Variants in RABGEF1 observed in about 807,000 individuals in gnomAD.
RABGEF1 encodes the protein RAB guanine nucleotide exchange factor 1.
In RABGEF1, 26 loss-of-function variants were observed where a neutral mutation model predicts 57.3. That is an observed-to-expected ratio of 0.45 (90% CI 0.33 to 0.63). The LOEUF (loss-of-function observed/expected upper bound fraction) is 0.63. RABGEF1 is among the 20% of genes least tolerant of loss of function. RABGEF1 has a pLI of 0.02. For synonymous variants in RABGEF1, 185 were observed against 210.7 expected (o/e 0.88, Z 1.06); for missense variants, 464 against 607.6 (o/e 0.76, Z 2.48).
chr7:66,753,701 G>GGT (rs1491493257), intron 1 of RABGEF1, among the ~76,000 whole-genome samples: 4 of 78,772 alleles, frequency 5.1e-5, no homozygotes, highest in African/African-American at 1.9e-4. Context: ...TTTTGCCATC[G>GGT]TTTTTTTTTT....
intron 3 of RABGEF1, among the ~76,000 whole-genome samples, chr7:66,776,359 G>A (rs1219827761): frequency 6.6e-6 from 1 of 152,138 alleles, no homozygotes; most frequent in Non-Finnish European, 1.5e-5. Flanking sequence ...TTTATTAAAA[G>A]GAAATATTGC....
chr7:66,695,929 G>A (rs527835301), intron 1 of RABGEF1, among the ~76,000 whole-genome samples: 33 of 151,314 alleles, frequency 2.2e-4, no homozygotes, highest in Non-Finnish European at 4.1e-4. Context: ...TCGCACCACC[G>A]TACTTCAGCG....
intron 1 of RABGEF1, 25 bp from the exon 2 acceptor site, chr7:66,771,858 C>T: frequency 7.3e-7 from 1 of 1,376,368 alleles, no homozygotes; most frequent in Non-Finnish European, 9.6e-7. Flanking sequence ...AATTCATTTT[C>T]AACAGCACTT....
In RABGEF1 at chr7:66,809,697, G is replaced by C. The variant is rs919317285; in HGVS notation, c.*413G>C. On this transcript the variant is annotated 3_prime_UTR_variant, in exon 9 of 9. Coordinates refer to ENST00000284957, the MANE Select transcript of RABGEF1 (RefSeq NM_014504.3). ...GAATAATTTTATAATTGTAAAGATA[G>C]AAATTATATTGATAAGTAAATATGT... is the stretch of plus-strand genomic sequence containing the variant. 6.5e-6 allele frequency: 1 copy of C among 154,946 alleles called. No homozygotes were observed. The highest frequency in any genetic ancestry group is 2.4e-5 in the African/African-American group (1 of 41,498). 9.6% of individuals were successfully genotyped at this position (154,946 alleles called of 1,614,324 possible).
At chr7:66,802,537 G>A (rs1206427170) in intron 7 of RABGEF1, among the ~76,000 whole-genome samples, 1 of 152,242 alleles carries the variant, frequency 6.6e-6, no homozygotes, top group Non-Finnish European at 1.5e-5. Context: ...GCAGGCTGGG[G>A]AGGGAAATTA....
intron 1 of RABGEF1, among the ~76,000 whole-genome samples, chr7:66,703,220 C>T (rs912517235): frequency 1.3e-5 from 2 of 152,200 alleles, no homozygotes; most frequent in East Asian, 3.8e-4. Context: ...TGCCCGCCCG[C>T]CTTGGCCTCC....
At position 66,685,560 on chromosome 7, in the gene RABGEF1, T is replaced by C. The variant is rs575530247; in HGVS notation, c.-873+3302T>C. ...CTGGTTGTTTCTTTCTGTAAGGATG[T>C]CTGACCCAGCTAATTTGTAAACAGG... is the stretch of plus-strand genomic sequence containing the variant. On this transcript the variant is annotated intron_variant and NMD_transcript_variant, in intron 1 of 9. Transcript: ENST00000607882. Among the ~76,000 whole-genome samples, 3 of 152,356 alleles carry C rather than the reference T, an allele frequency of 2.0e-5. No individual in the cohort carries two copies. In the South Asian group the frequency reaches 6.2e-4, roughly 32 times the overall value.
chr7:66,676,581 A>G, the RABGEF1 span, among the ~76,000 whole-genome samples: 7 of 152,194 alleles, frequency 4.6e-5, no homozygotes, highest in Admixed American at 2.6e-4. Flanking sequence ...TCTCTCCCCC[A>G]TTCTGGGGAT....
upstream of RABGEF1, among the ~76,000 whole-genome samples, chr7:66,738,014 GTTT>G (rs759479602): frequency 1.5e-4 from 21 of 139,960 alleles, 1 homozygote; most frequent in East Asian, 4.5e-4. Flanking sequence ...TGTGTTTTTT[GTTT>G]TTTTTGTTTT....
chr7:66,793,587 A>G (rs560448157), intron 4 of RABGEF1, among the ~76,000 whole-genome samples: 42 of 152,372 alleles, frequency 2.8e-4, no homozygotes, highest in African/African-American at 1.0e-3. Flanking sequence ...TGAAAGGTGT[A>G]AAACCATGTG....
chr7:66,742,284 C>T (rs1223385643), intron 1 of RABGEF1, among the ~76,000 whole-genome samples: 2 of 152,134 alleles, frequency 1.3e-5, no homozygotes, highest in African/African-American at 4.8e-5. Flanking sequence ...TGATTCATAT[C>T]CGCAGGATTA....
chr7:66,736,984 G>A (rs1462117207), upstream of RABGEF1, among the ~76,000 whole-genome samples: 2 of 151,740 alleles, frequency 1.3e-5, no homozygotes, highest in Non-Finnish European at 2.9e-5. Context: ...ATGTGCTGAT[G>A]CACTGGGGCT....
intron 1 of RABGEF1, among the ~76,000 whole-genome samples, chr7:66,700,673 C>T (rs1316919072): frequency 6.6e-6 from 1 of 152,198 alleles, no homozygotes; most frequent in East Asian, 1.9e-4. Context: ...CACACTTCTG[C>T]CACTCAGCTC....
chr7:66,664,176 C>T, the RABGEF1 span, among the ~76,000 whole-genome samples: 10 of 151,446 alleles, frequency 6.6e-5, no homozygotes, highest in Admixed American at 1.3e-4. Flanking sequence ...GAAAGGTCAT[C>T]GGTGAACCTG....
chr7:66,665,770 C>T, the RABGEF1 span, among the ~76,000 whole-genome samples: 1 of 152,192 alleles, frequency 6.6e-6, no homozygotes, highest in Non-Finnish European at 1.5e-5. Context: ...GTGGCCTGGT[C>T]CCTTGGCCTG....
intron 2 of RABGEF1, among the ~76,000 whole-genome samples, chr7:66,720,194 A>ATTTTT (rs58442880): frequency 3.7e-5 from 5 of 134,336 alleles, no homozygotes; most frequent in African/African-American, 1.1e-4. Flanking sequence ...TATTATTATT[A>ATTTTT]TTTTTTTTTT....
At chr7:66,752,825 G>T (rs549686402) in intron 1 of RABGEF1, among the ~76,000 whole-genome samples, 17 of 152,324 alleles carry the variant, frequency 1.1e-4, no homozygotes, top group African/African-American at 4.1e-4. Flanking sequence ...CAGGTTAGTT[G>T]TTTGCTGTTT....
At chr7:66,751,555 C>T (rs1269327632) in intron 1 of RABGEF1, among the ~76,000 whole-genome samples, 3 of 152,092 alleles carry the variant, frequency 2.0e-5, no homozygotes, top group African/African-American at 7.2e-5. Flanking sequence ...GGCTGATCAC[C>T]TAATACTGCT....
At chr7:66,738,050 T>C (rs1798253100), upstream of RABGEF1, among the ~76,000 whole-genome samples, 2 of 151,080 alleles carry the variant, frequency 1.3e-5, no homozygotes, top group East Asian at 3.9e-4. Flanking sequence ...AGACAGGGTC[T>C]TGCTCTGTCA....
Sources: allele counts gnomAD v4.1 joint callset (sites outside exome capture counted in the v4.1 genomes callset), GRCh38; gene constraint gnomAD v4.1.1; transcripts MANE v1.5; gene names NCBI Gene and HGNC (gene_info 2026-07-23, HGNC 2026-07-21).